Variants in ATG10 observed in about 807,000 individuals in gnomAD.
ATG10 encodes autophagy related 10.
ATG10 carries 30 observed loss-of-function variants against 32.1 expected under a neutral mutation model. The ratio of observed to expected loss-of-function variants is 0.94; its 90% confidence interval spans 0.70 to 1.27. The LOEUF is 1.27. ATG10 is among the 50% of genes most tolerant of loss of function. The pLI, the probability that ATG10 is intolerant of heterozygous loss-of-function variation, is 0.00. For synonymous variants in ATG10, 87 were observed against 91.5 expected (o/e 0.95, Z 0.28); for missense variants, 233 against 262.3 (o/e 0.89, Z 0.77).
At chr5:82,089,879 A>G (rs1764822323) in intron 3 of ATG10, among the ~76,000 whole-genome samples, 1 of 152,088 alleles carries the variant, frequency 6.6e-6, no homozygotes, top group African/African-American at 2.4e-5. Flanking sequence ...GAGTATATAA[A>G]GAACTCCCAG....
At chr5:81,983,361 G>T (rs867113101) in intron 1 of ATG10, among the ~76,000 whole-genome samples, 2 of 148,614 alleles carry the variant, frequency 1.3e-5, no homozygotes, top group African/African-American at 5.0e-5. Context: ...AGGGGCGGCC[G>T]GGCAGAGGTG....
At chr5:82,185,862 A>C (rs1436630551) in intron 5 of ATG10, among the ~76,000 whole-genome samples, 1 of 151,756 alleles carries the variant, frequency 6.6e-6, no homozygotes, top group Non-Finnish European at 1.5e-5. Flanking sequence ...TTCTGAACTC[A>C]GTCTCCCTGG....
Position 82,170,210 on chromosome 5 carries a change from A to T in ATG10, c.355+5673A>T, listed in dbSNP as rs191579132. On this transcript the variant is annotated intron_variant, in intron 4 of 7. Coordinates refer to ENST00000282185, the MANE Select transcript of ATG10 (RefSeq NM_031482.5). ...ACTGTATTTTAGCTTTCTTAGGTGA[A>T]TGTTTGTGCCATATGGAAAAAACAT... 1.2e-4 allele frequency among the ~76,000 whole-genome samples: 19 copies of T among 152,146 alleles called. No individual in the cohort carries two copies. In the Middle Eastern group the frequency reaches 0.01, roughly 82 times the overall value.
chr5:82,208,956 A>AT (rs1378918488), intron 5 of ATG10, among the ~76,000 whole-genome samples: 1 of 151,680 alleles, frequency 6.6e-6, no homozygotes, highest in East Asian at 1.9e-4. Flanking sequence ...TTAGCCTGCA[A>AT]TTTTTTTTCT....
At chr5:82,012,896 G>A (rs958554831) in intron 2 of ATG10, among the ~76,000 whole-genome samples, 2 of 151,804 alleles carry the variant, frequency 1.3e-5, no homozygotes, top group African/African-American at 4.8e-5. Context: ...GACCTCAAGC[G>A]ATCCGCCTTC....
intron 3 of ATG10, among the ~76,000 whole-genome samples, chr5:82,108,700 G>C (rs1229141219): frequency 2.0e-5 from 3 of 151,988 alleles, no homozygotes; most frequent in Non-Finnish European, 4.4e-5. Flanking sequence ...GTGTTGATAG[G>C]AAGGATGGAA....
chr5:82,031,884 C>T (rs1009114102), intron 2 of ATG10, among the ~76,000 whole-genome samples: 1 of 152,238 alleles, frequency 6.6e-6, no homozygotes, highest in Admixed American at 6.5e-5. Flanking sequence ...ACTATTCTAC[C>T]TGTTGGCAAC....
At chr5:82,033,339 C>CTTT (rs531673501) in intron 2 of ATG10, among the ~76,000 whole-genome samples, 2 of 138,460 alleles carry the variant, frequency 1.4e-5, no homozygotes, top group Non-Finnish European at 3.2e-5. Flanking sequence ...TCTTCTTCTT[C>CTTT]TTTTTTTTTT....
intron 5 of ATG10, among the ~76,000 whole-genome samples, chr5:82,227,511 A>T (rs977515095): frequency 2.0e-5 from 3 of 152,026 alleles, no homozygotes; most frequent in African/African-American, 7.2e-5. Flanking sequence ...TGTAACTGGG[A>T]CTACAGGCGC....
intron 2 of ATG10, among the ~76,000 whole-genome samples, chr5:81,990,804 G>A (rs1761431054): frequency 6.6e-6 from 1 of 152,218 alleles, no homozygotes; most frequent in African/African-American, 2.4e-5. Context: ...AGAGTGCATG[G>A]CCTATTGCTA....
At chr5:82,047,246 A>G (rs1763261007) in intron 2 of ATG10, among the ~76,000 whole-genome samples, 1 of 152,174 alleles carries the variant, frequency 6.6e-6, no homozygotes, top group Non-Finnish European at 1.5e-5. Flanking sequence ...AATAAAAAGT[A>G]TGAGGGCACA....
At chr5:82,014,927 G>A (rs1014502511) in intron 2 of ATG10, among the ~76,000 whole-genome samples, 7 of 152,158 alleles carry the variant, frequency 4.6e-5, no homozygotes, top group African/African-American at 1.4e-4. Flanking sequence ...TAGCCTTGAC[G>A]GTCTTTACAA....
intron 3 of ATG10, among the ~76,000 whole-genome samples, chr5:82,114,220 T>C (rs1765706578): frequency 1.3e-5 from 2 of 152,028 alleles, no homozygotes; most frequent in African/African-American, 4.8e-5. Flanking sequence ...ATATGTATGA[T>C]TGGCTGTTTT....
intron 3 of ATG10, among the ~76,000 whole-genome samples, chr5:82,074,520 T>C (rs1188624734): frequency 6.6e-6 from 1 of 152,200 alleles, no homozygotes; most frequent in East Asian, 1.9e-4. Flanking sequence ...CTCCTTTCTT[T>C]CATTCATCTT....
intron 2 of ATG10, among the ~76,000 whole-genome samples, chr5:82,002,380 CAT>C (rs542214779): frequency 1.5e-3 from 221 of 152,184 alleles, no homozygotes; most frequent in African/African-American, 4.9e-3. Flanking sequence ...ATAACAGAGA[CAT>C]AGAATCCTAA....
intron 3 of ATG10, among the ~76,000 whole-genome samples, chr5:82,064,774 TTATAA>T (rs780363558): frequency 9.3e-4 from 141 of 152,192 alleles, no homozygotes; most frequent in Non-Finnish European, 1.3e-3. Context: ...ATAAAAACAG[TTATAA>T]TAATAATAAC....
At chr5:81,977,212 C>T (rs773904002) in intron 1 of ATG10, among the ~76,000 whole-genome samples, 1 of 152,080 alleles carries the variant, frequency 6.6e-6, no homozygotes, top group Non-Finnish European at 1.5e-5. Flanking sequence ...TCTTTTAGCA[C>T]CTAGTAAATA....
intron 3 of ATG10, among the ~76,000 whole-genome samples, chr5:82,107,619 T>G (rs956877527): frequency 3.3e-5 from 5 of 152,138 alleles, no homozygotes; most frequent in African/African-American, 1.2e-4. Context: ...TTTTAACTTC[T>G]CTGAAATTAA....
chr5:82,065,964 A>C (rs1763931497), intron 3 of ATG10, among the ~76,000 whole-genome samples: 1 of 152,098 alleles, frequency 6.6e-6, no homozygotes, highest in South Asian at 2.1e-4. Flanking sequence ...TAGAGTTGAG[A>C]AATAAGGTGT....
Sources: allele counts gnomAD v4.1 joint callset (sites outside exome capture counted in the v4.1 genomes callset), GRCh38; gene constraint gnomAD v4.1.1; transcripts MANE v1.5; gene names NCBI Gene and HGNC (gene_info 2026-07-23, HGNC 2026-07-21).